NDUFAF2: variants seen among roughly 807,000 people sequenced by gnomAD.
NDUFAF2 encodes NADH dehydrogenase [ubiquinone] 1 alpha subcomplex assembly factor 2.
Under a neutral mutation model 22.8 loss-of-function variants are expected in NDUFAF2, and 13 were observed. That is an observed-to-expected ratio of 0.57 (90% CI 0.37 to 0.91). The LOEUF is 0.91. NDUFAF2 is among the 40% of genes least tolerant of loss of function. The pLI, the probability that NDUFAF2 is intolerant of heterozygous loss-of-function variation, is 0.01. For synonymous variants in NDUFAF2, 53 were observed against 64.2 expected, an observed-to-expected ratio of 0.83 and a Z score of 0.84; for missense variants, 162 against 195.2, an observed-to-expected ratio of 0.83 and a Z score of 1.01.
In NDUFAF2 at chr5:60,945,329, C is replaced by G; in HGVS notation, c.74C>G (p.Thr25Arg). The G allele has an allele frequency of 6.2e-7, 1 of 1,614,038 alleles. No individual in the cohort carries two copies. The highest frequency in any genetic ancestry group is 8.5e-7 in the Non-Finnish European group (1 of 1,180,004). Residue 25 changes from threonine to arginine, a missense_variant, in exon 1 of 4, where the codon ACG (threonine) becomes AGG (arginine). Transcript: ENST00000296597. ...LSREVKEHVGTDQFGNKYYYI... is the reference protein window; with the variant it reads ...LSREVKEHVGRDQFGNKYYYI... ...AGGGAAGTGAAGGAGCACGTGGGCA[C>G]GGACCAATTCGGGAACAAATACTAC...
At chr5:61,048,604 C>T (rs1293526201) in intron 1 of NDUFAF2, among the ~76,000 whole-genome samples, 2 of 152,092 alleles carry the variant, frequency 1.3e-5, no homozygotes, top group African/African-American at 2.4e-5. Flanking sequence ...AGCTATCTCC[C>T]AGGCAGCTTT....
intron 1 of NDUFAF2, among the ~76,000 whole-genome samples, chr5:61,056,227 G>A (rs890096663): frequency 1.3e-5 from 2 of 152,144 alleles, no homozygotes; most frequent in Admixed American, 6.6e-5. Context: ...TGAGTAGAGA[G>A]GCAGGCTCCA....
chr5:61,134,889 T>G (rs1740894836), intron 3 of NDUFAF2, among the ~76,000 whole-genome samples: 1 of 152,126 alleles, frequency 6.6e-6, no homozygotes, highest in South Asian at 2.1e-4. Flanking sequence ...TGTCTTACTC[T>G]TCTTACTATC....
chr5:60,984,353 T>G (rs1025161410), intron 1 of NDUFAF2, among the ~76,000 whole-genome samples: 4 of 152,096 alleles, frequency 2.6e-5, no homozygotes, highest in African/African-American at 7.2e-5. Flanking sequence ...ACAGGGACAA[T>G]TTGACTTCCT....
At chr5:61,121,639 TTG>T (rs1479970599) in intron 3 of NDUFAF2, among the ~76,000 whole-genome samples, 2 of 152,064 alleles carry the variant, frequency 1.3e-5, no homozygotes, top group Non-Finnish European at 2.9e-5. Flanking sequence ...AGCCTAGATT[TTG>T]TGTCAAAGTA....
At chr5:61,091,870 G>T (rs1435435939) in intron 2 of NDUFAF2, among the ~76,000 whole-genome samples, 1 of 152,038 alleles carries the variant, frequency 6.6e-6, no homozygotes, top group Non-Finnish European at 1.5e-5. Flanking sequence ...GTTAATTTTT[G>T]TGTGTGTATA....
At chr5:61,067,744 C>T (rs1561555760) in intron 1 of NDUFAF2, among the ~76,000 whole-genome samples, 1 of 152,088 alleles carries the variant, frequency 6.6e-6, no homozygotes, top group Non-Finnish European at 1.5e-5. Context: ...CACTGACTTC[C>T]ACAGTGGTTG....
At chr5:61,120,537 A>G (rs1752962975) in intron 3 of NDUFAF2, among the ~76,000 whole-genome samples, 1 of 152,090 alleles carries the variant, frequency 6.6e-6, no homozygotes, top group Non-Finnish European at 1.5e-5. Flanking sequence ...TCTTAGCATA[A>G]TTTTCCCTCT....
chr5:61,129,710 G>A (rs993527919), intron 3 of NDUFAF2, among the ~76,000 whole-genome samples: 1 of 151,964 alleles, frequency 6.6e-6, no homozygotes, highest in Non-Finnish European at 1.5e-5. Context: ...GTTAATGGGT[G>A]CAGCACACCA....
At chr5:61,060,127 A>G (rs1249623433) in intron 1 of NDUFAF2, among the ~76,000 whole-genome samples, 2 of 152,088 alleles carry the variant, frequency 1.3e-5, no homozygotes, top group Non-Finnish European at 2.9e-5. Context: ...TCATCTGTAG[A>G]AGATTGTTTT....
intron 2 of NDUFAF2, among the ~76,000 whole-genome samples, chr5:61,086,362 AC>A (rs1752505561): frequency 6.6e-6 from 1 of 152,124 alleles, no homozygotes; most frequent in Admixed American, 6.6e-5. Flanking sequence ...AATACTCAAA[AC>A]TTTTTTGGAG....
chr5:61,099,990 T>C (rs1426070537), intron 3 of NDUFAF2, among the ~76,000 whole-genome samples: 10 of 152,204 alleles, frequency 6.6e-5, no homozygotes, highest in Admixed American at 6.6e-4. Context: ...AACCCATTAA[T>C]GTTCATTCGG....
At chr5:61,056,942 A>T (rs1266375967) in intron 1 of NDUFAF2, among the ~76,000 whole-genome samples, 1 of 108,662 alleles carries the variant, frequency 9.2e-6, no homozygotes, top group Admixed American at 9.7e-5. Context: ...ATATATATAT[A>T]TATATATATA....
At chr5:61,095,546 C>G (rs1752629116) in intron 2 of NDUFAF2, among the ~76,000 whole-genome samples, 1 of 151,414 alleles carries the variant, frequency 6.6e-6, no homozygotes, top group Middle Eastern at 3.4e-3. Context: ...GAGGTCCAAC[C>G]TCCTGCCTTG....
intron 1 of NDUFAF2, among the ~76,000 whole-genome samples, chr5:61,016,002 A>G (rs1167516924): frequency 1.3e-5 from 2 of 152,146 alleles, no homozygotes; most frequent in African/African-American, 4.8e-5. Context: ...CCTGGCCAAC[A>G]TGGTGAAACC....
intron 1 of NDUFAF2, among the ~76,000 whole-genome samples, chr5:60,974,139 G>A (rs1392632341): frequency 1.3e-5 from 2 of 152,150 alleles, no homozygotes; most frequent in Admixed American, 6.5e-5. Flanking sequence ...AGTCCAGGTG[G>A]GCACCATCTA....
At chr5:61,035,439 T>G (rs1481372987) in intron 1 of NDUFAF2, among the ~76,000 whole-genome samples, 6 of 148,178 alleles carry the variant, frequency 4.0e-5, no homozygotes, top group Non-Finnish European at 4.5e-5. Context: ...TTTTTTTTTT[T>G]TTTTTTTTTT....
intron 1 of NDUFAF2, among the ~76,000 whole-genome samples, chr5:61,043,327 G>A (rs1201098757): frequency 1.3e-5 from 2 of 152,106 alleles, no homozygotes; most frequent in Non-Finnish European, 2.9e-5. Context: ...TACTATAATG[G>A]TGAGTACATG....
intron 1 of NDUFAF2, among the ~76,000 whole-genome samples, chr5:60,986,906 C>T (rs977066682): frequency 2.8e-5 from 4 of 141,212 alleles, no homozygotes; most frequent in East Asian, 2.0e-4. Flanking sequence ...CACTCTAGCC[C>T]GGGCAATAAT....
Sources: gnomAD v4.1 joint callset for allele counts (sites outside exome capture counted in the v4.1 genomes callset) on GRCh38, gnomAD v4.1.1 for gene constraint, MANE v1.5 for transcripts, NCBI Gene and HGNC (gene_info 2026-07-23, HGNC 2026-07-21) for gene names.